The following ZNF536 variants were observed in gnomAD, a reference collection of about 807,000 sequenced individuals.
ZNF536 encodes the protein zinc finger protein 536.
In ZNF536, 13 loss-of-function variants were observed where a neutral mutation model predicts 84.5. The observed-to-expected ratio is 0.15, with a 90% CI of 0.10 to 0.24. The LOEUF (loss-of-function observed/expected upper bound fraction) is 0.24. Ranked by LOEUF, ZNF536 falls within the 10% of genes least tolerant of loss-of-function variation. ZNF536 has a pLI of 1.00. For missense variants in ZNF536, 1,536 were observed against 1,747.5 expected, an observed-to-expected ratio of 0.88 and a Z score of 2.16; for synonymous variants, 811 against 742.5, an observed-to-expected ratio of 1.09 and a Z score of -1.50.
At chr19:30,609,989 C>A (rs370775655) in intron 1 of ZNF536, among the ~76,000 whole-genome samples, 1 of 151,428 alleles carries the variant, frequency 6.6e-6, no homozygotes, top group South Asian at 2.1e-4. Context: ...CAACCATCCA[C>A]CCACCCATCT....
chr19:30,346,965 G>A (rs1256353699), intron 2 of ZNF536, among the ~76,000 whole-genome samples: 1 of 152,200 alleles, frequency 6.6e-6, no homozygotes, highest in East Asian at 1.9e-4. Flanking sequence ...TCCACCAGCA[G>A]TGTGTAAGCA....
chr19:30,308,751 T>TCGCA (rs1389245007), intron 2 of ZNF536, among the ~76,000 whole-genome samples: 1 of 152,164 alleles, frequency 6.6e-6, no homozygotes, highest in Non-Finnish European at 1.5e-5. Context: ...CACTCTGTGG[T>TCGCA]CGCACAGAGC....
At chr19:30,687,856 A>C (rs557617231) in intron 1 of ZNF536, among the ~76,000 whole-genome samples, 1 of 152,022 alleles carries the variant, frequency 6.6e-6, no homozygotes, top group Admixed American at 6.5e-5. Flanking sequence ...AAAAACTTTT[A>C]TTTGCATGAT....
intron 2 of ZNF536, among the ~76,000 whole-genome samples, chr19:30,288,604 C>T (rs2045729239): frequency 6.6e-6 from 1 of 152,232 alleles, no homozygotes; most frequent in South Asian, 2.1e-4. Flanking sequence ...CAATGCATAG[C>T]AAAGGTATAG....
At chr19:30,313,684 A>G (rs900685388) in intron 2 of ZNF536, among the ~76,000 whole-genome samples, 19 of 152,028 alleles carry the variant, frequency 1.2e-4, no homozygotes, top group African/African-American at 4.6e-4. Flanking sequence ...CACACTGCCC[A>G]CCCCGACTGT....
intron 1 of ZNF536, among the ~76,000 whole-genome samples, chr19:30,615,608 G>T (rs919442886): frequency 6.6e-6 from 1 of 150,450 alleles, no homozygotes; most frequent in Non-Finnish European, 1.5e-5. Context: ...TATTTTATGT[G>T]ATATTTAATC....
intron 1 of ZNF536, among the ~76,000 whole-genome samples, chr19:30,612,881 C>T (rs2048150516): frequency 6.6e-6 from 1 of 152,178 alleles, no homozygotes; most frequent in Non-Finnish European, 1.5e-5. Context: ...TTCTCTGGGC[C>T]AGGGTCCAAT....
intron 1 of ZNF536, among the ~76,000 whole-genome samples, chr19:30,232,978 G>C (rs371308392): frequency 2.2e-4 from 33 of 152,196 alleles, no homozygotes; most frequent in East Asian, 9.6e-4. Context: ...GCCTCTTCAG[G>C]GGGGTGGAAG....
intron 2 of ZNF536, among the ~76,000 whole-genome samples, chr19:30,304,672 A>T (rs1029091980): frequency 1.3e-5 from 2 of 152,152 alleles, no homozygotes; most frequent in East Asian, 3.9e-4. Context: ...AGGGTCCCTG[A>T]GCAGTGCTTT....
At chr19:30,569,824 G>A (rs867164744) in intron 1 of ZNF536, among the ~76,000 whole-genome samples, 4 of 151,842 alleles carry the variant, frequency 2.6e-5, no homozygotes, top group East Asian at 1.9e-4. Context: ...TACCCACCTC[G>A]GCCTCCTAAA....
chr19:30,260,062 G>T (rs2025128041), intron 1 of ZNF536, among the ~76,000 whole-genome samples: 1 of 152,148 alleles, frequency 6.6e-6, no homozygotes, highest in East Asian at 1.9e-4. Flanking sequence ...ACCATGCCCA[G>T]CTATTGGATG....
In ZNF536 at chr19:30,548,998, T is replaced by C. The variant is rs749669299; in HGVS notation, c.3379T>C (p.Ser1127Pro). Reference sequence around the variant, plus strand: ...CCCAGGCATGGTTGGCTCAGGGGCCTCCAGTTCCTGCCCCAACAAGGAGCC... The same window carrying C: ...CCCAGGCATGGTTGGCTCAGGGGCCCCCAGTTCCTGCCCCAACAAGGAGCC... ...VYPGMVGSGA[S>P]SSCPNKEPDG... The change falls in exon 4 of 5, where the codon TCC becomes CCC. Residue 1127 changes from serine to proline, a missense_variant. Ser to Pro is a moderately conservative substitution (Grantham distance 74). Coordinates refer to ENST00000355537, the MANE Select transcript of ZNF536 (RefSeq NM_014717.3). 1.9e-6 allele frequency: 3 copies of C among 1,614,090 alleles called. No individual in the cohort carries two copies. The highest frequency in any genetic ancestry group is 2.5e-6 in the Non-Finnish European group (3 of 1,180,018).
In ZNF536 at chr19:30,652,171, G is replaced by T. The variant is rs545178530; in HGVS notation, c.170-58586G>T. ...TCTTTTAATGTTCATTATAAAATAT[G>T]AAATATTTCTCAGAACCATTGCAAT... On this transcript the variant is annotated intron_variant, in intron 1 of 1. Coordinates refer to the ZNF536 transcript ENST00000592773. Among the ~76,000 whole-genome samples the T allele has an allele frequency of 4.6e-5, 7 of 152,220 alleles. No individual in the cohort carries two copies. In the East Asian group the frequency reaches 1.4e-3, roughly 29 times the overall value.
At chr19:30,268,475 T>C (rs2025643257) in intron 1 of ZNF536, among the ~76,000 whole-genome samples, 1 of 152,216 alleles carries the variant, frequency 6.6e-6, no homozygotes, top group Non-Finnish European at 1.5e-5. Context: ...CAAGACAAGA[T>C]GACAGGGTGC....
intron 1 of ZNF536, among the ~76,000 whole-genome samples, chr19:30,379,643 G>T (rs375536003): frequency 1.3e-5 from 2 of 151,460 alleles, no homozygotes; most frequent in East Asian, 4.0e-4. Context: ...AGGGCTGGGG[G>T]GTGTAGTGGG....
chr19:30,411,093 A>T (rs2050478018), intron 1 of ZNF536, among the ~76,000 whole-genome samples: 1 of 151,900 alleles, frequency 6.6e-6, no homozygotes, highest in Admixed American at 6.6e-5. Flanking sequence ...TTCTCCAATT[A>T]AAAAAATGCT....
At chr19:30,517,045 T>G (rs9676325) in intron 2 of ZNF536, among the ~76,000 whole-genome samples, 7,547 of 152,214 alleles carry the variant, frequency 0.05, 518 homozygotes, top group African/African-American at 0.16. Context: ...CTCTGGTTGA[T>G]CCATCTTTCC....
intron 2 of ZNF536, among the ~76,000 whole-genome samples, chr19:30,530,016 A>G (rs1324200388): frequency 6.6e-6 from 1 of 152,200 alleles, no homozygotes; most frequent in Non-Finnish European, 1.5e-5. Flanking sequence ...CTGAGGGTGC[A>G]TTAGGCAAGA....
intron 1 of ZNF536, among the ~76,000 whole-genome samples, chr19:30,672,482 C>G (rs1285840039): frequency 6.6e-6 from 1 of 152,188 alleles, no homozygotes; most frequent in Non-Finnish European, 1.5e-5. Flanking sequence ...ATTTCCACAG[C>G]AAAGCATATT....
Sources: allele counts gnomAD v4.1 joint callset (sites outside exome capture counted in the v4.1 genomes callset), GRCh38; gene constraint gnomAD v4.1.1; transcripts MANE v1.5; gene names NCBI Gene and HGNC (gene_info 2026-07-23, HGNC 2026-07-21).